The following DENND2B variants were observed in gnomAD, a reference collection of about 807,000 sequenced individuals.
The protein encoded by DENND2B is DENN domain containing 2B, also known as DENN domain-containing protein 2B.
DENND2B carries 32 observed loss-of-function variants against 116.0 expected under a neutral mutation model. That is an observed-to-expected ratio of 0.28 (90% CI 0.21 to 0.37). DENND2B has a LOEUF of 0.37. Ranked by LOEUF, DENND2B falls within the 10% of genes least tolerant of loss-of-function variation. DENND2B has a pLI of 1.00. For missense variants in DENND2B, 1,276 were observed against 1,477.7 expected (o/e 0.86, Z 2.24); for synonymous variants, 588 against 583.9 (o/e 1.01, Z -0.10).
chr11:8,718,558 G>GTGTC, intron 4 of DENND2B: 1 of 1,415,474 alleles, frequency 7.1e-7, no homozygotes, highest in Non-Finnish European at 9.2e-7. Context: ...TCCTACTGTA[G>GTGTC]TGTCTATTCC....
At chr11:8,777,271 C>T (rs2057844990) in intron 1 of DENND2B, among the ~76,000 whole-genome samples, 1 of 152,096 alleles carries the variant, frequency 6.6e-6, no homozygotes, top group African/African-American at 2.4e-5. Context: ...GCCAAGAGGG[C>T]TACCTCGGTA....
chr11:8,809,516 CT>C (rs1292307316), intron 1 of DENND2B: 3 of 152,128 alleles, frequency 2.0e-5, no homozygotes, highest in African/African-American at 7.2e-5. Context: ...GAAGTGTTTG[CT>C]GCATTCATCC....
At chr11:8,703,048 A>C in intron 13 of DENND2B, 1 of 296,476 alleles carries the variant, frequency 3.4e-6, no homozygotes, top group Non-Finnish European at 6.4e-6. Context: ...GAAGGGAACC[A>C]CACAGCCACA....
intron 1 of DENND2B, among the ~76,000 whole-genome samples, chr11:8,909,257 G>A (rs962003472): frequency 1.3e-5 from 2 of 152,188 alleles, no homozygotes; most frequent in Admixed American, 6.5e-5. Flanking sequence ...TTTGCAGGGC[G>A]TGGTGGCTGA....
intron 1 of DENND2B, among the ~76,000 whole-genome samples, chr11:8,890,018 C>A (rs537719439): frequency 6.6e-6 from 1 of 152,178 alleles, no homozygotes; most frequent in Non-Finnish European, 1.5e-5. Context: ...ACACCTCACA[C>A]GGCTGGGTAC....
chr11:8,701,165 A>G (rs978985680), intron 14 of DENND2B, among the ~76,000 whole-genome samples: 9 of 152,294 alleles, frequency 5.9e-5, no homozygotes, highest in African/African-American at 1.9e-4. Flanking sequence ...AACCTTTGAT[A>G]TGCAAATGAA....
At chr11:8,890,157 T>G (rs2742534) in intron 1 of DENND2B, among the ~76,000 whole-genome samples, 4,578 of 152,078 alleles carry the variant, frequency 0.03, 223 homozygotes, top group African/African-American at 0.1. Context: ...TCCAGCAAAC[T>G]CCAACAGACC....
chr11:8,866,549 A>C (rs1240677327), intron 2 of DENND2B, among the ~76,000 whole-genome samples: 1 of 152,216 alleles, frequency 6.6e-6, no homozygotes, highest in Non-Finnish European at 1.5e-5. Context: ...CATAACCTAT[A>C]ACCAGAGGCT....
chr11:8,818,401 G>A (rs1317626290), intron 4 of DENND2B, among the ~76,000 whole-genome samples: 1 of 152,020 alleles, frequency 6.6e-6, no homozygotes, highest in East Asian at 1.9e-4. Context: ...AAGGGAAGAG[G>A]TAGGGTATTA....
chr11:8,817,503 T>A (rs1566011827), intron 4 of DENND2B, among the ~76,000 whole-genome samples: 1 of 151,902 alleles, frequency 6.6e-6, no homozygotes, highest in Non-Finnish European at 1.5e-5. Context: ...CTGACCTAAT[T>A]CCCCCTGCCT....
intron 1 of DENND2B, among the ~76,000 whole-genome samples, chr11:8,766,467 C>T (rs761989572): frequency 5.9e-5 from 9 of 152,178 alleles, no homozygotes; most frequent in South Asian, 4.1e-4. Flanking sequence ...AGAAGCCTGC[C>T]GGCCAGCAGG....
In DENND2B at chr11:8,712,450, A is replaced by G; in HGVS notation, c.2172+101T>C. ...TCAGGGCTGTGGCAGCTCGGTGAGGACGTATGACGAACAAGATCTCTCTCC... is the reference window on the plus strand; with the variant it reads ...TCAGGGCTGTGGCAGCTCGGTGAGGGCGTATGACGAACAAGATCTCTCTCC... On this transcript the variant is annotated intron_variant, in intron 9 of 19. Coordinates refer to ENST00000313726, the MANE Select transcript of DENND2B (RefSeq NM_213618.2). The surrounding 1 kb of genome is among the most constrained non-coding windows in gnomAD (Gnocchi z 4.4). 1 of 1,311,954 alleles carries G rather than the reference A, an allele frequency of 7.6e-7. No individual in the cohort carries two copies. Among genetic ancestry groups the G allele is most frequent in the East Asian group, 2.5e-5 (1 of 39,390 alleles). The allele number at this position is 1,311,954 out of a possible 1,614,324, so 81.3% of individuals were successfully genotyped here. A position where few individuals can be genotyped will look rare whatever the true frequency, so the allele number is the denominator to read the frequency against.
chr11:8,797,098 C>T (rs1357118534), intron 1 of DENND2B, among the ~76,000 whole-genome samples: 1 of 152,180 alleles, frequency 6.6e-6, no homozygotes, highest in Non-Finnish European at 1.5e-5. Flanking sequence ...GGCAAGAACA[C>T]ATGCTTGGAA....
upstream of DENND2B, among the ~76,000 whole-genome samples, chr11:8,874,924 C>T (rs1401819883): frequency 6.6e-6 from 1 of 151,932 alleles, no homozygotes; most frequent in Non-Finnish European, 1.5e-5. Flanking sequence ...GACCCTGTCT[C>T]AAAGAAAAGG....
rs773874554 is a variant in DENND2B, at chr11:8,730,046, G to A, written c.1244C>T (p.Thr415Ile). 19 of 1,614,116 alleles carry A rather than the reference G, an allele frequency of 1.2e-5. No homozygotes were observed. In the South Asian group the frequency reaches 1.2e-4, roughly 10 times the overall value. The change falls in exon 3 of 20, where the codon ACA becomes ATA. Residue 415 changes from threonine to isoleucine, a missense_variant. Thr to Ile is a moderately conservative substitution (Grantham distance 89). This residue lies in a region of DENND2B where 856 missense variants were observed against 846.6 expected (regional missense o/e 1.01). Coordinates refer to ENST00000313726, the MANE Select transcript of DENND2B (RefSeq NM_213618.2). The surrounding 1 kb of genome is among the most constrained non-coding windows in gnomAD (Gnocchi z 4.1). ...KPSNGLPPSP[T>I]PAAPPPLPST... Reference sequence around the variant, plus strand: ...GGGCAAGGGAGGTGGAGCAGCAGGTGTGGGTGAAGGAGGTAGACCATTACT... The same window carrying A: ...GGGCAAGGGAGGTGGAGCAGCAGGTATGGGTGAAGGAGGTAGACCATTACT...
chr11:8,694,427 T>C, intron 19 of DENND2B: 1 of 465,646 alleles, frequency 2.1e-6, no homozygotes, highest in Non-Finnish European at 4.0e-6. Flanking sequence ...CAGGGAGGGG[T>C]GCATTTTGCA....
intron 15 of DENND2B, 113 bp from the exon 16 acceptor site, chr11:8,699,087 C>T: frequency 6.5e-7 from 1 of 1,540,230 alleles, no homozygotes; most frequent in Non-Finnish European, 8.8e-7. Flanking sequence ...AGTACTCCAG[C>T]CGGGGATAGA....
rs767750792 is a variant in DENND2B at position 8,730,352 on chromosome 11, C to A, written c.938G>T (p.Gly313Val). The change falls in exon 3 of 20, where the codon GGG becomes GTG. Residue 313 changes from glycine to valine, a missense_variant. Gly to Val is a moderately radical substitution (Grantham distance 109). Around this residue, in one of 2 missense-constraint regions of DENND2B, gnomAD observed 856 missense variants for 846.6 expected, o/e 1.01. Transcript: ENST00000313726. This position sits in a 1 kb window ranked among gnomAD's most constrained non-coding sequence, Gnocchi z 4.1. ...GCCCAAGGTTCCAGTCTTCCTTTTCCCCCGGTCCACGCTGTAGCAGCTGCT... is the reference window on the plus strand; with the variant it reads ...GCCCAAGGTTCCAGTCTTCCTTTTCACCCGGTCCACGCTGTAGCAGCTGCT... Reference protein sequence around the residue: ...LPSSCYSVDRGKRKTGTLGSL... With the variant: ...LPSSCYSVDRVKRKTGTLGSL... 2 of 1,600,978 alleles carry A rather than the reference C, an allele frequency of 1.2e-6. No homozygotes were observed. Among genetic ancestry groups the A allele is most frequent in the Admixed American group, 1.7e-5 (1 of 59,392 alleles).
At chr11:8,735,826 G>A (rs1438125739) in intron 2 of DENND2B, among the ~76,000 whole-genome samples, 1 of 152,234 alleles carries the variant, frequency 6.6e-6, no homozygotes, top group East Asian at 1.9e-4. Context: ...GTGTCAGGAT[G>A]TCTAGATCCT....
Sources: gnomAD v4.1 joint callset for allele counts (sites outside exome capture counted in the v4.1 genomes callset) on GRCh38, gnomAD v4.1.1 for gene constraint, gnomAD v4.1.1 regional missense constraint, Gnocchi (gnomAD v3.1) non-coding constraint, MANE v1.5 for transcripts, NCBI Gene and HGNC (gene_info 2026-07-23, HGNC 2026-07-21) for gene names.